The following LCLAT1 variants were observed in gnomAD, a reference collection of about 807,000 sequenced individuals.
The protein encoded by LCLAT1 is 1-AGP acyltransferase 8.
In LCLAT1, 11 loss-of-function variants were observed where a neutral mutation model predicts 30.7. The ratio of observed to expected loss-of-function variants is 0.36; its 90% confidence interval spans 0.23 to 0.59. LCLAT1 has a LOEUF of 0.59. Among genes scored for constraint, LCLAT1 ranks in the 20% least tolerant of loss-of-function variants. The probability of loss-of-function intolerance (pLI) is 0.77; values close to 1 mark genes in which losing one functional copy is unlikely to be tolerated. For synonymous variants in LCLAT1, 155 were observed against 151.3 expected (o/e 1.02, Z -0.18); for missense variants, 402 against 458.6 (o/e 0.88, Z 1.13).
intron 1 of LCLAT1, among the ~76,000 whole-genome samples, chr2:30,447,891 C>A (rs1681344481): frequency 6.6e-6 from 1 of 152,234 alleles, no homozygotes; most frequent in African/African-American, 2.4e-5. Flanking sequence ...CCCTGCGAGT[C>A]CTGCAGGCGC....
intron 5 of LCLAT1, among the ~76,000 whole-genome samples, chr2:30,621,877 T>C (rs1668267640): frequency 6.6e-6 from 1 of 152,032 alleles, no homozygotes; most frequent in Non-Finnish European, 1.5e-5. Flanking sequence ...TGTAACAACT[T>C]TGATGGAATG....
intron 5 of LCLAT1, among the ~76,000 whole-genome samples, chr2:30,638,958 C>T (rs1015592179): frequency 6.6e-6 from 1 of 152,022 alleles, no homozygotes; most frequent in African/African-American, 2.4e-5. Flanking sequence ...AACTATTCTA[C>T]CTCTTTTGCC....
At chr2:30,596,836 G>A (rs2363984) in intron 5 of LCLAT1, among the ~76,000 whole-genome samples, 12,066 of 130,520 alleles carry the variant, frequency 0.092, 593 homozygotes, top group East Asian at 0.11. Context: ...GTAAGGAAGG[G>A]GTCCAGTTTC....
intron 1 of LCLAT1, among the ~76,000 whole-genome samples, chr2:30,479,805 G>A (rs1409661941): frequency 2.0e-5 from 3 of 152,066 alleles, no homozygotes; most frequent in Admixed American, 6.6e-5. Flanking sequence ...GTACCAAAAC[G>A]AAACACAAAA....
At chr2:30,555,888 A>G (rs1425859151) in intron 3 of LCLAT1, among the ~76,000 whole-genome samples, 2 of 137,026 alleles carry the variant, frequency 1.5e-5, no homozygotes, top group Non-Finnish European at 3.0e-5. Context: ...CCCAGGCTGG[A>G]GTGCACTGGC....
chr2:30,614,426 T>G (rs897041586), intron 5 of LCLAT1, among the ~76,000 whole-genome samples: 1 of 152,042 alleles, frequency 6.6e-6, no homozygotes, highest in African/African-American at 2.4e-5. Flanking sequence ...TGATCTCTCT[T>G]GCTTTTCCCC....
At chr2:30,525,946 T>G (rs1434516811) in intron 2 of LCLAT1, among the ~76,000 whole-genome samples, 191 bp downstream of exon 2, 3 of 152,312 alleles carry the variant, frequency 2.0e-5, no homozygotes, top group South Asian at 2.1e-4. Flanking sequence ...TGTAAATAGT[T>G]GTTATTGTTA....
chr2:30,486,807 A>T (rs547522634), intron 1 of LCLAT1, among the ~76,000 whole-genome samples: 204 of 152,318 alleles, frequency 1.3e-3, no homozygotes, highest in Middle Eastern at 3.4e-3. Context: ...CCACAGTGCA[A>T]GCAGCCTAGG....
intron 3 of LCLAT1, among the ~76,000 whole-genome samples, chr2:30,538,172 A>G (rs1034318703): frequency 6.6e-6 from 1 of 152,228 alleles, no homozygotes; most frequent in Non-Finnish European, 1.5e-5. Context: ...ATGAACTAGG[A>G]AAGCAAGAAC....
chr2:30,522,666 G>C (rs1039960845), intron 1 of LCLAT1, among the ~76,000 whole-genome samples: 37 of 152,186 alleles, frequency 2.4e-4, no homozygotes, highest in African/African-American at 8.9e-4. Context: ...ATCAACAAAT[G>C]ATTGAAAGGG....
intron 1 of LCLAT1, among the ~76,000 whole-genome samples, chr2:30,500,842 G>T (rs1165748314): frequency 6.6e-6 from 1 of 151,878 alleles, no homozygotes; most frequent in East Asian, 1.9e-4. Flanking sequence ...GACCCTCTCG[G>T]GCTTAAAACC....
At chr2:30,468,687 G>T (rs1482356583) in intron 1 of LCLAT1, among the ~76,000 whole-genome samples, 1 of 152,136 alleles carries the variant, frequency 6.6e-6, no homozygotes, top group Non-Finnish European at 1.5e-5. Context: ...TTAAGCAGTT[G>T]CTCCCTTCTA....
At chr2:30,582,380 G>A (rs1299489344) in intron 5 of LCLAT1, among the ~76,000 whole-genome samples, 2 of 152,142 alleles carry the variant, frequency 1.3e-5, no homozygotes, top group Non-Finnish European at 2.9e-5. Context: ...GCACCACCTT[G>A]AAGAATATTA....
rs907194213 is a variant in LCLAT1, at chr2:30,534,591, A to G, written c.364+1277A>G. Among the ~76,000 whole-genome samples, 16 of 152,124 alleles carry G rather than the reference A, an allele frequency of 1.1e-4. 1 individual carries two copies. Among genetic ancestry groups the G allele is most frequent in the Admixed American group, 1.0e-3 (16 of 15,270 alleles). On this transcript the variant is annotated intron_variant, in intron 3 of 5. Transcript: ENST00000379509. ...CGCCCGGCCAACTGTTTGTGTTTTA[A>G]TTGCCTTTGTACTTATATCTTTATC... is the stretch of plus-strand genomic sequence containing the variant.
chr2:30,540,315 T>C (rs1303549739), intron 3 of LCLAT1, among the ~76,000 whole-genome samples: 3 of 152,248 alleles, frequency 2.0e-5, no homozygotes, highest in African/African-American at 4.8e-5. Context: ...TGCTGCATTA[T>C]TTTTAAATGA....
At chr2:30,533,547 T>C (rs1686083662) in intron 3 of LCLAT1, among the ~76,000 whole-genome samples, 1 of 152,342 alleles carries the variant, frequency 6.6e-6, no homozygotes, top group East Asian at 1.9e-4. Flanking sequence ...GAAATGGATA[T>C]ATAGTATCTG....
intron 5 of LCLAT1, among the ~76,000 whole-genome samples, chr2:30,580,093 G>T (rs1375617143): frequency 1.3e-5 from 2 of 152,180 alleles, no homozygotes; most frequent in Non-Finnish European, 2.9e-5. Flanking sequence ...GCATATAGTA[G>T]GAAAAGACTG....
intron 3 of LCLAT1, among the ~76,000 whole-genome samples, chr2:30,545,720 AC>A (rs1314036698): frequency 2.0e-5 from 3 of 152,150 alleles, no homozygotes; most frequent in African/African-American, 7.2e-5. Context: ...CAATTTTATG[AC>A]CACTTAACTA....
chr2:30,499,883 A>T (rs937081777), intron 1 of LCLAT1, among the ~76,000 whole-genome samples: 4 of 152,328 alleles, frequency 2.6e-5, no homozygotes, highest in African/African-American at 9.6e-5. Context: ...AATGTGCTAC[A>T]TGAAACACTT....
Sources: allele counts gnomAD v4.1 joint callset (sites outside exome capture counted in the v4.1 genomes callset), GRCh38; gene constraint gnomAD v4.1.1; transcripts MANE v1.5; gene names NCBI Gene and HGNC (gene_info 2026-07-23, HGNC 2026-07-21).